Variants in UBE2E2 observed in about 807,000 individuals in gnomAD.
The protein encoded by UBE2E2 is ubiquitin conjugating enzyme E2 E2.
UBE2E2 carries 6 observed loss-of-function variants against 24.7 expected under a neutral mutation model. The ratio of observed to expected loss-of-function variants is 0.24; its 90% CI spans 0.13 to 0.48. The LOEUF is 0.48. Ranked by LOEUF, UBE2E2 falls within the 20% of genes least tolerant of loss-of-function variation. UBE2E2 has a pLI of 0.99. For synonymous variants in UBE2E2, 104 were observed against 83.6 expected (o/e 1.24, Z -1.33); for missense variants, 169 against 245.0 (o/e 0.69, Z 2.07).
chr3:23,466,477 G>T (rs1698921008), intron 3 of UBE2E2, among the ~76,000 whole-genome samples: 1 of 152,192 alleles, frequency 6.6e-6, no homozygotes, highest in Non-Finnish European at 1.5e-5. Flanking sequence ...GGAATATTTT[G>T]TCCCTTGCAG....
At chr3:23,504,534 T>G (rs938704439) in intron 4 of UBE2E2, among the ~76,000 whole-genome samples, 1 of 151,342 alleles carries the variant, frequency 6.6e-6, no homozygotes. Flanking sequence ...AGAAAAATTC[T>G]ATCAGTTTAC....
chr3:23,388,397 T>C (rs1288538737), intron 3 of UBE2E2, among the ~76,000 whole-genome samples: 5 of 152,130 alleles, frequency 3.3e-5, no homozygotes, highest in Non-Finnish European at 1.5e-5. Context: ...TACATCTCTG[T>C]TCATAATGAG....
rs185515110 is a variant in UBE2E2 at position 23,537,055 on chromosome 3, C to G, written c.508+4354C>G. On this transcript the variant is annotated intron_variant, in intron 5 of 5. Coordinates refer to ENST00000396703, the MANE Select transcript of UBE2E2 (RefSeq NM_152653.4). ...TTCATTTTGCTTGAAGTTGCAGTTT[C>G]CAAGAACCTATCAGCCACATTAAGT... 9.2e-5 allele frequency among the ~76,000 whole-genome samples: 14 copies of G among 152,314 alleles called. No individual in the cohort carries two copies. The East Asian group carries it at 2.5e-3, about 27-fold the overall frequency.
At chr3:23,286,069 C>A (rs1698608310) in intron 3 of UBE2E2, among the ~76,000 whole-genome samples, 1 of 152,090 alleles carries the variant, frequency 6.6e-6, no homozygotes, top group East Asian at 1.9e-4. Context: ...CTTATATATT[C>A]TGGTAATCCC....
At chr3:23,459,974 C>G (rs1698773539) in intron 3 of UBE2E2, among the ~76,000 whole-genome samples, 1 of 152,186 alleles carries the variant, frequency 6.6e-6, no homozygotes, top group African/African-American at 2.4e-5. Flanking sequence ...TCCTTAATTT[C>G]AAATCCTGTG....
At chr3:23,340,364 C>CACT (rs1202774504) in intron 3 of UBE2E2, among the ~76,000 whole-genome samples, 3 of 151,968 alleles carry the variant, frequency 2.0e-5, no homozygotes, top group Non-Finnish European at 2.9e-5. Context: ...ATCTACTATG[C>CACT]ACTATATTTT....
intron 5 of UBE2E2, among the ~76,000 whole-genome samples, chr3:23,570,141 T>A (rs1321278511): frequency 2.6e-5 from 4 of 152,188 alleles, no homozygotes; most frequent in Non-Finnish European, 5.9e-5. Context: ...AGGAACATGG[T>A]CTGGTACCTC....
At chr3:23,586,722 G>A (rs1343104943) in intron 5 of UBE2E2, among the ~76,000 whole-genome samples, 4 of 151,932 alleles carry the variant, frequency 2.6e-5, no homozygotes, top group East Asian at 1.9e-4. Context: ...TCCTCACATC[G>A]TTGTTTTTAA....
At chr3:23,385,758 A>G (rs1696792537) in intron 3 of UBE2E2, among the ~76,000 whole-genome samples, 1 of 152,226 alleles carries the variant, frequency 6.6e-6, no homozygotes, top group Non-Finnish European at 1.5e-5. Context: ...AAAAACCATC[A>G]GCTTCTTGTA....
intron 3 of UBE2E2, among the ~76,000 whole-genome samples, chr3:23,481,776 A>G (rs1387552547): frequency 6.6e-6 from 1 of 152,238 alleles, no homozygotes; most frequent in Non-Finnish European, 1.5e-5. Context: ...AGCACTGCCA[A>G]AAGCAAAAAC....
intron 3 of UBE2E2, among the ~76,000 whole-genome samples, chr3:23,241,898 A>C (rs777020350): frequency 2.6e-5 from 4 of 151,990 alleles, no homozygotes; most frequent in Non-Finnish European, 4.4e-5. Context: ...CCTCTCCCCA[A>C]GCCTGATGTT....
rs553103796 is a variant in UBE2E2 at position 23,375,946 on chromosome 3, T to C, written c.228-123662T>C. ...CTCTAAAAATTTCATAAATGGCTTA[T>C]AGAATACATACTGGTTTTGTAAAAC... is the stretch of plus-strand genomic sequence containing the variant. On this transcript the variant is annotated intron_variant, in intron 3 of 5. Transcript: ENST00000396703. Among the ~76,000 whole-genome samples, 12 of 152,332 alleles carry C rather than the reference T, an allele frequency of 7.9e-5. No individual in the cohort carries two copies. In the South Asian group the frequency reaches 2.3e-3, roughly 29 times the overall value.
intron 3 of UBE2E2, among the ~76,000 whole-genome samples, chr3:23,302,142 G>A (rs1412023917): frequency 6.6e-6 from 1 of 151,966 alleles, no homozygotes; most frequent in Admixed American, 6.6e-5. Context: ...AGGTTTCTCT[G>A]TCTCCCAGTC....
intron 3 of UBE2E2, among the ~76,000 whole-genome samples, chr3:23,469,888 C>T (rs1405358030): frequency 1.3e-5 from 2 of 152,170 alleles, no homozygotes; most frequent in Admixed American, 6.5e-5. Flanking sequence ...CCTTTCTATG[C>T]ATAGAAATCT....
chr3:23,542,021 C>A (rs547854211), intron 5 of UBE2E2, among the ~76,000 whole-genome samples: 1 of 152,224 alleles, frequency 6.6e-6, no homozygotes, highest in East Asian at 1.9e-4. Flanking sequence ...GAGAAGATGT[C>A]TTCATAGTTT....
intron 3 of UBE2E2, among the ~76,000 whole-genome samples, chr3:23,439,373 G>T (rs761699815): frequency 1.3e-5 from 2 of 152,180 alleles, no homozygotes; most frequent in Non-Finnish European, 2.9e-5. Context: ...TAGTACCTGC[G>T]CTAAGAGATA....
At position 23,396,371 on chromosome 3, in the gene UBE2E2, A is replaced by G. The variant is rs1007097351; in HGVS notation, c.228-103237A>G. On this transcript the variant is annotated intron_variant, in intron 3 of 5. Coordinates refer to ENST00000396703, the MANE Select transcript of UBE2E2 (RefSeq NM_152653.4). ...GCATTTTATTTTATCTATATAAAAT[A>G]AAAAATTATATATGTATGTATATGT... Among the ~76,000 whole-genome samples the G allele has an allele frequency of 3.4e-5, 5 of 148,422 alleles. No homozygotes were observed. The East Asian group carries it at 9.7e-4, about 29-fold the overall frequency.
chr3:23,487,167 A>C (rs1380921174), intron 3 of UBE2E2, among the ~76,000 whole-genome samples: 1 of 152,224 alleles, frequency 6.6e-6, no homozygotes, highest in African/African-American at 2.4e-5. Context: ...GCACCACCCC[A>C]AGTGTGTGCA....
intron 3 of UBE2E2, among the ~76,000 whole-genome samples, chr3:23,346,292 G>C (rs1169094082): frequency 6.6e-6 from 1 of 152,148 alleles, no homozygotes; most frequent in Non-Finnish European, 1.5e-5. Flanking sequence ...AATGCCCTTA[G>C]TTGAATCGTT....
Sources: allele counts gnomAD v4.1 joint callset (sites outside exome capture counted in the v4.1 genomes callset), GRCh38; gene constraint gnomAD v4.1.1; transcripts MANE v1.5; gene names NCBI Gene and HGNC (gene_info 2026-07-23, HGNC 2026-07-21).